Variants in TSC22D2 observed in about 807,000 individuals in gnomAD.
The protein encoded by TSC22D2 is TSC22 domain family protein 2.
In TSC22D2, 5 loss-of-function variants were observed where a neutral mutation model predicts 50.1. The observed-to-expected ratio is 0.10, with a 90% CI of 0.05 to 0.21. The LOEUF is 0.21. Among genes scored for constraint, TSC22D2 ranks in the 10% least tolerant of loss-of-function variants. TSC22D2 has a pLI of 1.00. For synonymous variants in TSC22D2, 501 were observed against 450.1 expected (o/e 1.11, Z -1.43); for missense variants, 1,003 against 1,015.5 (o/e 0.99, Z 0.17).
intron 1 of TSC22D2, among the ~76,000 whole-genome samples, chr3:150,430,744 G>A (rs187927820): frequency 6.6e-6 from 1 of 152,224 alleles, no homozygotes; most frequent in Non-Finnish European, 1.5e-5. Flanking sequence ...GATTGCCAAG[G>A]ATTAGAGTAG....
At chr3:150,422,991 G>T (rs1300347831) in intron 1 of TSC22D2, 1 of 1,246,060 alleles carries the variant, frequency 8.0e-7, no homozygotes, top group Admixed American at 2.1e-5. Flanking sequence ...CTTTTGAAAA[G>T]TAGTGATTAT....
chr3:150,414,986 A>C (rs187471058), intron 1 of TSC22D2, among the ~76,000 whole-genome samples: 14 of 150,754 alleles, frequency 9.3e-5, no homozygotes, highest in African/African-American at 3.4e-4. Context: ...CTACACGTTT[A>C]AGAGTGTTCT....
Position 150,462,173 on chromosome 3 carries a change from C to G in TSC22D2, c.*3537C>G, listed in dbSNP as rs543572258. On this transcript the variant is annotated 3_prime_UTR_variant, in exon 3 of 3. Coordinates refer to ENST00000688009, the MANE Select transcript of TSC22D2 (RefSeq NM_001303264.2). ...TTCCTCAAAAACATGACACCTGAGT[C>G]TTGAAGGTCATAAGAGCCAGAGGGA... 7.9e-5 allele frequency: 12 copies of G among 152,250 alleles called. No individual in the cohort carries two copies. Among genetic ancestry groups the G allele is most frequent in the African/African-American group, 2.6e-4 (11 of 41,540 alleles). The allele number at this position is 152,250 out of a possible 1,614,324, so 9.4% of individuals were successfully genotyped here.
intron 1 of TSC22D2, among the ~76,000 whole-genome samples, chr3:150,420,992 A>G (rs1719986695): frequency 6.6e-6 from 1 of 152,238 alleles, no homozygotes; most frequent in Admixed American, 6.5e-5. Context: ...CTGAGGCGGG[A>G]GGATCATTTG....
rs1373218811 is a variant in TSC22D2, at chr3:150,409,178, T to A, written c.-173T>A. 1 of 586,984 alleles carries A rather than the reference T, an allele frequency of 1.7e-6. No homozygotes were observed. The highest frequency in any genetic ancestry group is 2.9e-5 in the East Asian group (1 of 35,070). 36.4% of individuals were successfully genotyped at this position (586,984 alleles called of 1,614,324 possible). ...ACAGAGAAGGAAACGAGGAGGAGGA[T>A]GTCTCACCGGGCGGCCAGCGCCTGG... is the stretch of plus-strand genomic sequence containing the variant. On this transcript the variant is annotated 5_prime_UTR_variant, in exon 1 of 3. It removes an upstream start codon present in the reference 5' UTR. Transcript: ENST00000688009. The surrounding 1 kb of genome is among the most constrained non-coding windows in gnomAD (Gnocchi z 7.4).
At chr3:150,456,196 T>G (rs1333439508) in intron 1 of TSC22D2, among the ~76,000 whole-genome samples, 1 of 140,888 alleles carries the variant, frequency 7.1e-6, no homozygotes, top group Non-Finnish European at 1.5e-5. Flanking sequence ...TTTTTTTTTG[T>G]TTTTTTTTGA....
rs1212267614 is a variant in TSC22D2, at chr3:150,409,871, C to G, written c.521C>G (p.Pro174Arg). Residue 174 changes from proline to arginine, a missense_variant, in exon 1 of 3, where the codon CCC becomes CGC. By Grantham distance (103) the Pro-to-Arg change is moderately radical. Around this residue, in one of 6 missense-constraint regions of TSC22D2, gnomAD observed 19 missense variants for 41.3 expected, o/e 0.46. Transcript: ENST00000688009. The surrounding 1 kb of genome is among the most constrained non-coding windows in gnomAD (Gnocchi z 7.4). The stretch of plus-strand genomic sequence containing the variant: ...AAGCTGGACCACGGGAGCGGAGAGC[C>G]CTATAGACGCGGCCGATGGACGTGT... Reference protein sequence around the residue: ...VIKLDHGSGEPYRRGRWTCME... With the variant: ...VIKLDHGSGERYRRGRWTCME... 1.2e-6 allele frequency: 2 copies of G among 1,611,966 alleles called. No homozygotes were observed. The highest frequency in any genetic ancestry group is 1.7e-6 in the Non-Finnish European group (2 of 1,180,028).
chr3:150,432,930 T>G (rs1451059943), intron 1 of TSC22D2, among the ~76,000 whole-genome samples: 1 of 152,166 alleles, frequency 6.6e-6, no homozygotes, highest in Non-Finnish European at 1.5e-5. Flanking sequence ...AACATGCTGA[T>G]AGTAATATTC....
chr3:150,433,910 A>T (rs13321876), intron 1 of TSC22D2, among the ~76,000 whole-genome samples: 1 of 151,790 alleles, frequency 6.6e-6, no homozygotes, highest in African/African-American at 2.4e-5. Flanking sequence ...CCTCATCTCT[A>T]CAAAAAACAC....
Position 150,465,805 on chromosome 3 carries a change from TC to T in TSC22D2, c.*7172del, listed in dbSNP as rs981900451. The T allele has an allele frequency of 3.3e-5, 5 of 152,218 alleles. No individual in the cohort carries two copies. Among genetic ancestry groups the T allele is most frequent in the Non-Finnish European group, 5.9e-5 (4 of 68,034 alleles). 9.4% of individuals were successfully genotyped at this position (152,218 alleles called of 1,614,324 possible). Reference sequence around the variant, plus strand: ...TCCATCCTGCCTGGGACAGGAATCATCCCTTTGTCCAGTGTATCCACAATGT... The same window carrying T: ...TCCATCCTGCCTGGGACAGGAATCATCCTTTGTCCAGTGTATCCACAATGT... On this transcript the variant is annotated 3_prime_UTR_variant, in exon 3 of 3. Coordinates refer to ENST00000688009, the MANE Select transcript of TSC22D2 (RefSeq NM_001303264.2).
intron 1 of TSC22D2, among the ~76,000 whole-genome samples, chr3:150,447,945 C>T (rs1318773343): frequency 1.3e-5 from 2 of 152,086 alleles, no homozygotes; most frequent in Non-Finnish European, 2.9e-5. Flanking sequence ...ATTATTCACT[C>T]CTCAATAATG....
At chr3:150,453,198 G>C (rs970556950) in intron 1 of TSC22D2, among the ~76,000 whole-genome samples, 1 of 152,016 alleles carries the variant, frequency 6.6e-6, no homozygotes. Context: ...TTTGGAAACT[G>C]GTTAAACCAT....
chr3:150,450,289 TC>T (rs1721002476), intron 1 of TSC22D2, among the ~76,000 whole-genome samples: 1 of 152,098 alleles, frequency 6.6e-6, no homozygotes, highest in Non-Finnish European at 1.5e-5. Flanking sequence ...TTTTAATAGT[TC>T]CTTGGTAAAG....
rs954918044 is a variant in TSC22D2, at chr3:150,408,728, A to C, written c.-623A>C. ...GGAGGGAGGGCCGCCTGCCCGCGCC[A>C]CAGCCCCACCGCCCGCCCGCGGACC... On this transcript the variant is annotated 5_prime_UTR_variant, in exon 1 of 3. Transcript: ENST00000688009. 3 of 152,948 alleles carry C rather than the reference A, an allele frequency of 2.0e-5. No individual in the cohort carries two copies. Among genetic ancestry groups the C allele is most frequent in the African/African-American group, 7.3e-5 (3 of 41,308 alleles). The allele number at this position is 152,948 out of a possible 1,614,324, so 9.5% of individuals were successfully genotyped here.
chr3:150,424,466 GATAT>G (rs1720111203), intron 1 of TSC22D2, among the ~76,000 whole-genome samples: 1 of 152,146 alleles, frequency 6.6e-6, no homozygotes, highest in African/African-American at 2.4e-5. Context: ...TGATGTGAAT[GATAT>G]ATATTATTTT....
intron 1 of TSC22D2, among the ~76,000 whole-genome samples, chr3:150,452,445 C>CAA (rs111675293): frequency 3.6e-4 from 50 of 140,740 alleles, no homozygotes; most frequent in African/African-American, 1.1e-3. Context: ...AACTCTGTCT[C>CAA]AAAAAAAAAA....
At chr3:150,411,647 C>T (rs1219049444) in intron 1 of TSC22D2, among the ~76,000 whole-genome samples, 1 of 152,080 alleles carries the variant, frequency 6.6e-6, no homozygotes, top group Non-Finnish European at 1.5e-5. Context: ...ATCAATCACA[C>T]TTGAACACGT....
At chr3:150,454,593 G>A (rs1287223566) in intron 1 of TSC22D2, among the ~76,000 whole-genome samples, 1 of 152,152 alleles carries the variant, frequency 6.6e-6, no homozygotes, top group Non-Finnish European at 1.5e-5. Context: ...GAGTGGGGGA[G>A]CCCAGCAACC....
rs1720072428 is a variant in TSC22D2, at chr3:150,423,208, C to T, written c.1958+11900C>T. ...GTACTGGTTTCTCATTAAAACTGAT[C>T]TTTGTTATTTTAGGGGGGAAATCAC... On this transcript the variant is annotated intron_variant, in intron 1 of 2. Coordinates refer to ENST00000688009, the MANE Select transcript of TSC22D2 (RefSeq NM_001303264.2). The T allele has an allele frequency of 4.2e-6, 4 of 960,236 alleles. No homozygotes were observed. The East Asian group carries it at 8.3e-5, about 20-fold the overall frequency. The allele number at this position is 960,236 out of a possible 1,614,324, so 59.5% of individuals were successfully genotyped here. A position where few individuals can be genotyped will look rare whatever the true frequency, so the allele number is the denominator to read the frequency against.
Sources: allele counts gnomAD v4.1 joint callset (sites outside exome capture counted in the v4.1 genomes callset), GRCh38; gene constraint gnomAD v4.1.1; regional missense constraint gnomAD v4.1.1; non-coding constraint Gnocchi (gnomAD v3.1); transcripts MANE v1.5; gene names NCBI Gene and HGNC (gene_info 2026-07-23, HGNC 2026-07-21).